Variants in TACO1 observed in about 807,000 individuals in gnomAD.
TACO1 encodes the protein translational activator of cytochrome c oxidase 1.
A neutral mutation model predicts 24.0 loss-of-function variants in TACO1; 13 were observed. The observed-to-expected ratio is 0.54, with a 90% CI of 0.35 to 0.86. The LOEUF (loss-of-function observed/expected upper bound fraction) is 0.86. TACO1 is among the 40% of genes least tolerant of loss of function. The pLI, the probability that TACO1 is intolerant of heterozygous loss-of-function variation, is 0.01. For missense variants in TACO1, 352 were observed against 380.1 expected (o/e 0.93, Z 0.61); for synonymous variants, 149 against 153.5 (o/e 0.97, Z 0.22).
At chr17:63,606,681 G>T in intron 3 of TACO1, 1 of 517,044 alleles carries the variant, frequency 1.9e-6, no homozygotes, top group Non-Finnish European at 3.5e-6. Flanking sequence ...GAGTAGCTGG[G>T]ATTAAAGATA....
rs570960731 is a variant in TACO1 at position 63,601,416 on chromosome 17, G to C, written c.280+53G>C. On this transcript the variant is annotated intron_variant, in intron 1 of 4. Transcript: ENST00000258975. Reference sequence around the variant, plus strand: ...GGCTGCCGCTGCCCTCTCAGTGCCCGCAGCCTCGCTTGCCTCTCGGAATTG... The same window carrying C: ...GGCTGCCGCTGCCCTCTCAGTGCCCCCAGCCTCGCTTGCCTCTCGGAATTG... The C allele has an allele frequency of 6.9e-6, 11 of 1,593,876 alleles. 1 individual carries two copies. In the South Asian group the frequency reaches 1.1e-4, roughly 16 times the overall value.
intron 3 of TACO1, chr17:63,606,657 T>G: frequency 1.8e-6 from 1 of 566,270 alleles, no homozygotes. Flanking sequence ...GTGATTCTCC[T>G]GCCTCAGCCT....
chr17:63,604,365 C>A (rs1405751242), intron 1 of TACO1, among the ~76,000 whole-genome samples, 169 bp from the exon 2 acceptor site: 5 of 152,110 alleles, frequency 3.3e-5, no homozygotes, highest in African/African-American at 4.8e-5. Flanking sequence ...CCCGAAAATA[C>A]TTCTCCGTAT....
chr17:63,604,495 C>A, intron 1 of TACO1, 39 bp from the exon 2 acceptor site: 1 of 1,557,766 alleles, frequency 6.4e-7, no homozygotes, highest in Non-Finnish European at 8.9e-7. Flanking sequence ...AATGAGATGT[C>A]TTTGCTCACT....
chr17:63,607,169 A>G (rs2033868653), intron 3 of TACO1, 118 bp from the exon 4 acceptor site: 1 of 946,710 alleles, frequency 1.1e-6, no homozygotes, highest in South Asian at 1.4e-5. Context: ...GATCTGCTCC[A>G]TGTCTGTGTG....
At position 63,607,409 on chromosome 17, in the gene TACO1, C is replaced by T. The variant is rs199894582; in HGVS notation, c.638C>T (p.Ala213Val). Residue 213 changes from alanine to valine, a missense_variant, in exon 4 of 5, where the codon GCA becomes GTA. Transcript: ENST00000258975. ...CGTGCCCTGGAGATGGCAATCGAAG[C>T]AGGAGCTGAGGATGTCAAGGAAACT... ...LERALEMAIE[A>V]GAEDVKETED... is the part of the protein sequence containing the mutation. The T allele has an allele frequency of 2.5e-6, 4 of 1,614,154 alleles. No homozygotes were observed. Among genetic ancestry groups the T allele is most frequent in the Non-Finnish European group, 2.5e-6 (3 of 1,180,038 alleles).
rs753616161 is a variant in TACO1, at chr17:63,604,875, C to T, written c.387+235C>T. ...ACTAAAAATACAAAAATTAGCTGGG[C>T]GTGGTGGCATATGCTTGTAATCCCA... On this transcript the variant is annotated intron_variant, in intron 2 of 4. Coordinates refer to ENST00000258975, the MANE Select transcript of TACO1 (RefSeq NM_016360.4). 5.3e-5 allele frequency among the ~76,000 whole-genome samples: 8 copies of T among 152,048 alleles called. No homozygotes were observed. Among genetic ancestry groups the T allele is most frequent in the African/African-American group, 7.2e-5 (3 of 41,468 alleles).
At chr17:63,604,925 G>A (rs1379766749) in intron 2 of TACO1, among the ~76,000 whole-genome samples, 1 of 151,618 alleles carries the variant, frequency 6.6e-6, no homozygotes, top group Admixed American at 6.6e-5. Context: ...TGAGGTGGAG[G>A]ATCGCTTGAA....
At chr17:63,606,594 G>A (rs1278644597) in intron 3 of TACO1, 154 bp downstream of exon 3, 4 of 872,360 alleles carry the variant, frequency 4.6e-6, no homozygotes, top group African/African-American at 1.7e-5. Flanking sequence ...CGCCCAGGCT[G>A]GAGTGCAATG....
At chr17:63,603,502 TC>T (rs1290259106) in intron 1 of TACO1, among the ~76,000 whole-genome samples, 1 of 152,070 alleles carries the variant, frequency 6.6e-6, no homozygotes, top group Non-Finnish European at 1.5e-5. Context: ...GGTCAGGAGT[TC>T]GAGACCAACC....
At position 63,601,357 on chromosome 17, in the gene TACO1, G is replaced by C; in HGVS notation, c.274G>C (p.Val92Leu). The C allele has an allele frequency of 6.2e-7, 1 of 1,612,430 alleles. No homozygotes were observed. Among genetic ancestry groups the C allele is most frequent in the African/African-American group, 1.3e-5 (1 of 75,074 alleles). The part of the protein sequence containing the change: ...SKLCLNIRLA[V>L]KEGGPNPEHN... The stretch of plus-strand genomic sequence containing the variant: ...ACTCTGTTTGAACATCCGCCTGGCA[G>C]TGAAAGGTGAGACCCTGACGGTCAC... Residue 92 changes from valine to leucine, a missense_variant, in exon 1 of 5, where the codon GTG (valine) becomes CTG (leucine). Transcript: ENST00000258975.
rs1234224310 is a variant in TACO1 at position 63,606,450 on chromosome 17, C to T, written c.515+10C>T. On this transcript the variant is annotated intron_variant, in intron 3 of 4. Coordinates refer to ENST00000258975, the MANE Select transcript of TACO1 (RefSeq NM_016360.4). ...TCCTGAATAAGAATGGGTAAGTGTGCGTCTGGGAGGAGTGGTAGGGGACAG... is the reference window on the plus strand; with the variant it reads ...TCCTGAATAAGAATGGGTAAGTGTGTGTCTGGGAGGAGTGGTAGGGGACAG... 11 of 1,613,878 alleles carry T rather than the reference C, an allele frequency of 6.8e-6. No individual in the cohort carries two copies. In the African/African-American group the frequency reaches 8.0e-5, roughly 12 times the overall value.
chr17:63,602,152 C>T (rs1273226958), intron 1 of TACO1, among the ~76,000 whole-genome samples: 1 of 147,584 alleles, frequency 6.8e-6, no homozygotes, highest in East Asian at 2.0e-4. Flanking sequence ...GCTGGCTACT[C>T]GGGAGGCTGA....
Position 63,607,994 on chromosome 17 carries a change from A to G in TACO1, c.886A>G (p.Ile296Val), listed in dbSNP as rs2033876842. The change falls in exon 5 of 5, where the codon ATT (isoleucine) becomes GTT (valine). Residue 296 changes from isoleucine (I) to valine (V), a missense_variant. Transcript: ENST00000258975. ...GGATGTGATTCACGTCTATGATAAC[A>G]TTGAATAACCAGGCTACATGTGCCC... is the stretch of plus-strand genomic sequence containing the variant. ...HEDVIHVYDN[I>V]E 1.9e-6 allele frequency: 3 copies of G among 1,614,002 alleles called. No individual in the cohort carries two copies. The highest frequency in any genetic ancestry group is 2.5e-6 in the Non-Finnish European group (3 of 1,180,032).
chr17:63,604,034 A>G (rs1178524780), intron 1 of TACO1, among the ~76,000 whole-genome samples: 1 of 151,202 alleles, frequency 6.6e-6, no homozygotes, highest in African/African-American at 2.4e-5. Context: ...AAAAAAAAGT[A>G]CTTTTCCAAA....
intron 1 of TACO1, 111 bp downstream of exon 1, chr17:63,601,474 T>A (rs956386718): frequency 4.0e-6 from 5 of 1,261,666 alleles, no homozygotes; most frequent in Non-Finnish European, 5.6e-6. Context: ...TTCACTTTGT[T>A]TTCCTTCCCC....
At position 63,606,491 on chromosome 17, in the gene TACO1, A is replaced by T; in HGVS notation, c.515+51A>T. ...TAGGGGACAGAGCCTTTATGTTCCA[A>T]TTCTCTGCAAGGCAAGTACTGTTGA... On this transcript the variant is annotated intron_variant, in intron 3 of 4. Transcript: ENST00000258975. 2.5e-6 allele frequency: 4 copies of T among 1,609,950 alleles called. No homozygotes were observed. The South Asian group carries it at 3.3e-5, about 13-fold the overall frequency.
In TACO1 at chr17:63,600,918, T is replaced by C. The variant is rs1045398142; in HGVS notation, c.-166T>C. On this transcript the variant is annotated 5_prime_UTR_variant, in exon 1 of 5. Transcript: ENST00000258975. ...CCAGTCCCGGGTGCCGCGGGGACAG[T>C]GTAGGGTCATTAGCTGTTGAGCCGC... The C allele has an allele frequency of 1.4e-6, 1 of 714,390 alleles. No homozygotes were observed. The highest frequency in any genetic ancestry group is 1.8e-5 in the South Asian group (1 of 57,092). 44.3% of individuals were successfully genotyped at this position (714,390 alleles called of 1,614,324 possible).
chr17:63,600,963 T>C lies in TACO1; in HGVS notation c.-121T>C, dbSNP rs1027855441. 55 of 1,226,350 alleles carry C rather than the reference T, an allele frequency of 4.5e-5. No homozygotes were observed. In the East Asian group the frequency reaches 1.4e-3, roughly 31 times the overall value. 76.0% of individuals were successfully genotyped at this position (1,226,350 alleles called of 1,614,324 possible). A position where few individuals can be genotyped will look rare whatever the true frequency, so the allele number is the denominator to read the frequency against. On this transcript the variant is annotated 5_prime_UTR_variant, in exon 1 of 5. Coordinates refer to ENST00000258975, the MANE Select transcript of TACO1 (RefSeq NM_016360.4). ...AGCCGCCCCGGGCGGGCCCAAGCCT[T>C]TGGATCTCAGGTGACCGGCACAGGC...
Sources: gnomAD v4.1 joint callset for allele counts (sites outside exome capture counted in the v4.1 genomes callset) on GRCh38, gnomAD v4.1.1 for gene constraint, MANE v1.5 for transcripts, NCBI Gene and HGNC (gene_info 2026-07-23, HGNC 2026-07-21) for gene names.